SHQ1: variants seen among roughly 807,000 people sequenced by gnomAD.
The protein encoded by SHQ1 is SHQ1, H/ACA ribonucleoprotein assembly factor, also known as protein SHQ1 homolog.
Under a neutral mutation model 53.8 loss-of-function variants are expected in SHQ1, and 49 were observed. The observed-to-expected ratio is 0.91, with a 90% CI of 0.72 to 1.16. The LOEUF is 1.16. Ranked by LOEUF, SHQ1 falls within the 50% of genes most tolerant of loss-of-function variation. The probability of loss-of-function intolerance (pLI) is 0.00; values close to 1 mark genes in which losing one functional copy is unlikely to be tolerated. For missense variants in SHQ1, 738 were observed against 683.1 expected, an observed-to-expected ratio of 1.08 and a Z score of -0.90; for synonymous variants, 243 against 251.0, an observed-to-expected ratio of 0.97 and a Z score of 0.30.
At chr3:72,818,514 C>T (rs181927760) in intron 6 of SHQ1, among the ~76,000 whole-genome samples, 260 of 152,242 alleles carry the variant, frequency 1.7e-3, no homozygotes, top group South Asian at 4.4e-3. Flanking sequence ...ATAGAAGTTC[C>T]TCTTCCTACA....
intron 10 of SHQ1, among the ~76,000 whole-genome samples, chr3:72,760,477 G>A (rs1284747031): frequency 6.6e-6 from 1 of 152,148 alleles, no homozygotes; most frequent in Non-Finnish European, 1.5e-5. Context: ...TTCTTTAAGG[G>A]AGCACAGAAG....
At chr3:72,817,425 T>A in intron 6 of SHQ1, 41 bp from the exon 7 acceptor site, 1 of 1,555,592 alleles carries the variant, frequency 6.4e-7, no homozygotes, top group Non-Finnish European at 8.7e-7. Flanking sequence ...TTTCATTCAG[T>A]TTTGTAAAAC....
At chr3:72,771,976 TA>T (rs1171545040) in intron 10 of SHQ1, among the ~76,000 whole-genome samples, 4 of 152,130 alleles carry the variant, frequency 2.6e-5, no homozygotes, top group Admixed American at 2.6e-4. Flanking sequence ...ATGCCAAGAC[TA>T]AGCAATCACA....
chr3:72,741,598 AAG>A, the SHQ1 span, among the ~76,000 whole-genome samples: 171 of 151,576 alleles, frequency 1.1e-3, 1 homozygote, highest in Non-Finnish European at 2.0e-3. Flanking sequence ...TAAAAAAAAA[AAG>A]AAGGAGTGAG....
chr3:72,755,280 A>G (rs1575674464), intron 10 of SHQ1, among the ~76,000 whole-genome samples: 1 of 150,512 alleles, frequency 6.6e-6, no homozygotes, highest in African/African-American at 2.5e-5. Context: ...GGATAGATGG[A>G]TGGATGGATG....
intron 4 of SHQ1, among the ~76,000 whole-genome samples, chr3:72,833,447 TAGATAGATAGATAGA>T (rs1707885495): frequency 2.0e-5 from 1 of 51,230 alleles, no homozygotes; most frequent in Non-Finnish European, 3.7e-5. Flanking sequence ...TCAGAGATGA[TAGATAGATAGATAGA>T]TAGATAGATA....
chr3:72,769,982 T>C (rs1177854207), intron 10 of SHQ1, among the ~76,000 whole-genome samples: 1 of 152,180 alleles, frequency 6.6e-6, no homozygotes, highest in Non-Finnish European at 1.5e-5. Flanking sequence ...CCCAAATTCA[T>C]ATGGGGCTTG....
intron 10 of SHQ1, among the ~76,000 whole-genome samples, chr3:72,758,935 T>C (rs1705556952): frequency 6.6e-6 from 1 of 152,216 alleles, no homozygotes; most frequent in Admixed American, 6.5e-5. Flanking sequence ...CAGAATCCCT[T>C]CCATGCCCTT....
rs6767293 is a variant in SHQ1, at chr3:72,822,877, C to T, written c.727+1547G>A. Among the ~76,000 whole-genome samples, 784 of 152,184 alleles carry T rather than the reference C, an allele frequency of 5.2e-3. 9 individuals are homozygous for T. The highest frequency in any genetic ancestry group is 0.018 in the African/African-American group (751 of 41,514). On this transcript the variant is annotated intron_variant, in intron 6 of 10. Coordinates refer to ENST00000325599, the MANE Select transcript of SHQ1 (RefSeq NM_018130.3). ...ACAAAGAGTCACTATAGGCCGGGCG[C>T]GGGAGCTCACACCTGTAATCCCAGC...
chr3:72,750,856 GA>G lies in SHQ1; in HGVS notation c.1182-21del. 1 of 1,485,804 alleles carries G rather than the reference GA, an allele frequency of 6.7e-7. No individual in the cohort carries two copies. The highest frequency in any genetic ancestry group is 8.9e-7 in the Non-Finnish European group (1 of 1,119,334). 92.0% of individuals were successfully genotyped at this position (1,485,804 alleles called of 1,614,324 possible). A position where few individuals can be genotyped will look rare whatever the true frequency, so the allele number is the denominator to read the frequency against. ...TTGGATCTTGAAAACATTTTAAAAA[GA>G]AAGATTAGAATTATTTATTAATTGG... On this transcript the variant is annotated intron_variant, in intron 10 of 10. Transcript: ENST00000325599.
the SHQ1 span, among the ~76,000 whole-genome samples, chr3:72,740,989 A>T: frequency 1.3e-5 from 2 of 152,212 alleles, no homozygotes; most frequent in South Asian, 4.2e-4. Flanking sequence ...TCATTTCCCA[A>T]TTCAAATTTC....
Position 72,776,580 on chromosome 3 carries a change from A to AT in SHQ1, c.1181+16335dup, listed in dbSNP as rs201463318. On this transcript the variant is annotated intron_variant, in intron 10 of 10. Coordinates refer to ENST00000325599, the MANE Select transcript of SHQ1 (RefSeq NM_018130.3). ...ACTTTAAACAGGCAGTTTGTAAGTA[A>AT]TTTTTTTAAAAAAGTATTTACATCA... Among the ~76,000 whole-genome samples, 715 of 152,322 alleles carry AT rather than the reference A, an allele frequency of 4.7e-3. 4 individuals carry two copies. The highest frequency in any genetic ancestry group is 0.016 in the African/African-American group (669 of 41,576).
At chr3:72,741,867 T>G in the SHQ1 span, among the ~76,000 whole-genome samples, 11 of 152,316 alleles carry the variant, frequency 7.2e-5, no homozygotes, top group East Asian at 2.1e-3. Flanking sequence ...ACTAACAATT[T>G]CCAAAGCATT....
intron 10 of SHQ1, among the ~76,000 whole-genome samples, chr3:72,767,029 T>C (rs1705745596): frequency 1.3e-5 from 2 of 152,070 alleles, no homozygotes; most frequent in Admixed American, 6.6e-5. Flanking sequence ...ACCACACAGA[T>C]CTAATCTAAA....
intron 10 of SHQ1, among the ~76,000 whole-genome samples, chr3:72,789,215 C>T (rs184251850): frequency 1.2e-3 from 190 of 152,106 alleles, no homozygotes; most frequent in Admixed American, 4.3e-3. Flanking sequence ...TAAGGTCATA[C>T]GGTCAATGAG....
chr3:72,742,573 CTG>C, the SHQ1 span, among the ~76,000 whole-genome samples: 3 of 150,170 alleles, frequency 2.0e-5, no homozygotes, highest in Non-Finnish European at 3.0e-5. Flanking sequence ...GAAAAGGTAT[CTG>C]TGGTTTCTCA....
the SHQ1 span, among the ~76,000 whole-genome samples, chr3:72,734,599 T>C: frequency 2.0e-5 from 3 of 151,552 alleles, no homozygotes; most frequent in African/African-American, 7.3e-5. Flanking sequence ...ATACCTTTAG[T>C]ATTTGACATG....
the SHQ1 span, among the ~76,000 whole-genome samples, chr3:72,732,245 C>T: frequency 6.6e-6 from 1 of 151,392 alleles, no homozygotes; most frequent in Non-Finnish European, 1.5e-5. Context: ...AGCTTCCAGG[C>T]CTAGGGAGAT....
the SHQ1 span, among the ~76,000 whole-genome samples, chr3:72,740,255 T>A: frequency 6.6e-6 from 1 of 152,168 alleles, no homozygotes; most frequent in African/African-American, 2.4e-5. Context: ...ACGCATCCAA[T>A]CAGGGTGAAT....
Sources: gnomAD v4.1 joint callset for allele counts (sites outside exome capture counted in the v4.1 genomes callset) on GRCh38, gnomAD v4.1.1 for gene constraint, MANE v1.5 for transcripts, NCBI Gene and HGNC (gene_info 2026-07-23, HGNC 2026-07-21) for gene names.